The following PIEZO2 variants were observed in gnomAD, a reference collection of about 807,000 sequenced individuals.
PIEZO2 encodes piezo-type mechanosensitive ion channel component 2.
Under a neutral mutation model 337.3 loss-of-function variants are expected in PIEZO2, and 172 were observed. The observed-to-expected ratio is 0.51, with a 90% CI of 0.45 to 0.58. PIEZO2 has a LOEUF of 0.58. Ranked by LOEUF, PIEZO2 falls within the 20% of genes least tolerant of loss-of-function variation. PIEZO2 has a pLI of 0.00. For synonymous variants in PIEZO2, 1,251 were observed against 1,228.5 expected (o/e 1.02, Z -0.38); for missense variants, 3,028 against 3,391.3 (o/e 0.89, Z 2.66).
At chr18:10,970,053 G>A (rs577502065) in intron 3 of PIEZO2, among the ~76,000 whole-genome samples, 1 of 152,216 alleles carries the variant, frequency 6.6e-6, no homozygotes. Flanking sequence ...ATATTCTAAT[G>A]GGAGAACATA....
At position 11,129,352 on chromosome 18, in the gene PIEZO2, T is replaced by A. The variant is rs941524216; in HGVS notation, c.64+19173A>T. Among the ~76,000 whole-genome samples, 1 of 152,110 alleles carries A rather than the reference T, an allele frequency of 6.6e-6. No homozygotes were observed. The highest frequency in any genetic ancestry group is 1.5e-5 in the Non-Finnish European group (1 of 68,014). ...AAAGGCAAGGTAGGCGTAGCTACCA[T>A]AATGGACAGCAGAGGCAAAGCGGCA... On this transcript the variant is annotated intron_variant, in intron 1 of 55. Transcript: ENST00000674853. The surrounding 1 kb of genome is among the most constrained non-coding windows in gnomAD (Gnocchi z 4.6).
chr18:10,679,375 CCT>C (rs1466161552), intron 52 of PIEZO2, among the ~76,000 whole-genome samples: 1 of 152,158 alleles, frequency 6.6e-6, no homozygotes, highest in African/African-American at 2.4e-5. Flanking sequence ...TCACTGTCAG[CCT>C]CTCTTTAAAA....
At chr18:11,090,243 A>C (rs748592377) in intron 1 of PIEZO2, among the ~76,000 whole-genome samples, 7 of 152,194 alleles carry the variant, frequency 4.6e-5, no homozygotes, top group Non-Finnish European at 1.0e-4. Flanking sequence ...GCCAAACTTT[A>C]TCTGCCAGAT....
rs569708373 is a variant in PIEZO2, at chr18:10,853,906, T to C, written c.917+1447A>G. On this transcript the variant is annotated intron_variant, in intron 7 of 55. Transcript: ENST00000674853. The surrounding 1 kb of genome is among the most constrained non-coding windows in gnomAD (Gnocchi z 4.2). ...TCTATAGTCCAATATCCAGTGAACA[T>C]TGAAATTTCTCCAATTTAACCCCAA... Among the ~76,000 whole-genome samples, 1 of 152,310 alleles carries C rather than the reference T, an allele frequency of 6.6e-6. No homozygotes were observed. The highest frequency in any genetic ancestry group is 2.4e-5 in the African/African-American group (1 of 41,564).
At position 10,943,741 on chromosome 18, in the gene PIEZO2, G is replaced by T. The variant is rs147505109; in HGVS notation, c.287-32513C>A. Among the ~76,000 whole-genome samples the T allele has an allele frequency of 4.0e-3, 612 of 152,268 alleles. 1 individual carries two copies. The highest frequency in any genetic ancestry group is 0.014 in the African/African-American group (576 of 41,550). The stretch of plus-strand genomic sequence containing the variant: ...TTTGAAATGTGAAGATATGAGATTT[G>T]GGAGGGGCCAGGGGCAGAATGACAT... On this transcript the variant is annotated intron_variant, in intron 3 of 55. Coordinates refer to ENST00000674853, the MANE Select transcript of PIEZO2 (RefSeq NM_001378183.1). The surrounding 1 kb of genome is among the most constrained non-coding windows in gnomAD (Gnocchi z 4.5).
chr18:10,735,861 C>T (rs947166620), intron 34 of PIEZO2, among the ~76,000 whole-genome samples: 2 of 152,196 alleles, frequency 1.3e-5, no homozygotes, highest in Non-Finnish European at 2.9e-5. Context: ...GGACATCACT[C>T]TATGTGCCTC....
chr18:10,904,856 A>G (rs766828465), intron 4 of PIEZO2, among the ~76,000 whole-genome samples: 13 of 152,330 alleles, frequency 8.5e-5, no homozygotes, highest in Non-Finnish European at 1.8e-4. Flanking sequence ...AGTTGTGGGA[A>G]TTCAATAAAT....
In PIEZO2 at chr18:11,096,534, C is replaced by A. The variant is rs534749122; in HGVS notation, c.65-30312G>T. The stretch of plus-strand genomic sequence containing the variant: ...CTGAAATGACGCTTTACTAAGCATT[C>A]TCTGTGGCCATTCCCAGTTCTTTTC... On this transcript the variant is annotated intron_variant, in intron 1 of 55. Coordinates refer to ENST00000674853, the MANE Select transcript of PIEZO2 (RefSeq NM_001378183.1). The surrounding 1 kb of genome is among the most constrained non-coding windows in gnomAD (Gnocchi z 4.6). Among the ~76,000 whole-genome samples the A allele has an allele frequency of 1.3e-5, 2 of 152,280 alleles. No individual in the cohort carries two copies. Among genetic ancestry groups the A allele is most frequent in the East Asian group, 3.9e-4 (2 of 5,182 alleles).
intron 2 of PIEZO2, among the ~76,000 whole-genome samples, chr18:11,060,016 T>G (rs2037882077): frequency 1.3e-5 from 2 of 152,124 alleles, no homozygotes; most frequent in Admixed American, 6.5e-5. Context: ...AGTAAAGCAC[T>G]CCTCAGCAAA....
intron 3 of PIEZO2, among the ~76,000 whole-genome samples, chr18:10,924,924 C>G (rs2031638092): frequency 6.6e-6 from 1 of 152,154 alleles, no homozygotes; most frequent in Non-Finnish European, 1.5e-5. Flanking sequence ...ATGCCATAGA[C>G]ACTTTGATAG....
chr18:10,835,811 G>A (rs1387258540), intron 7 of PIEZO2, among the ~76,000 whole-genome samples: 1 of 152,248 alleles, frequency 6.6e-6, no homozygotes, highest in Non-Finnish European at 1.5e-5. Context: ...ACGGGCATGA[G>A]CCAGCGCGTC....
chr18:10,722,957 A>ATTTTTTT (rs36042609), intron 36 of PIEZO2, among the ~76,000 whole-genome samples: 1 of 84,312 alleles, frequency 1.2e-5, no homozygotes, highest in Non-Finnish European at 2.2e-5. Flanking sequence ...GGATGCAGTG[A>ATTTTTTT]TTTTTTTTTT....
At position 10,945,712 on chromosome 18, in the gene PIEZO2, A is replaced by T. The variant is rs1343348583; in HGVS notation, c.286+33823T>A. Among the ~76,000 whole-genome samples the T allele has an allele frequency of 2.6e-5, 4 of 152,224 alleles. No individual in the cohort carries two copies. The East Asian group carries it at 7.7e-4, about 29-fold the overall frequency. On this transcript the variant is annotated intron_variant, in intron 3 of 55. Coordinates refer to ENST00000674853, the MANE Select transcript of PIEZO2 (RefSeq NM_001378183.1). This position sits in a 1 kb window ranked among gnomAD's most constrained non-coding sequence, Gnocchi z 4.0. Reference sequence around the variant, plus strand: ...ATAATCAGCAGAAAAAATCAATCAAAATCTTCCCAGAACTGCCAAAGGTGT... The same window carrying T: ...ATAATCAGCAGAAAAAATCAATCAATATCTTCCCAGAACTGCCAAAGGTGT...
intron 2 of PIEZO2, among the ~76,000 whole-genome samples, chr18:11,010,181 A>G (rs1709444873): frequency 6.6e-6 from 1 of 152,172 alleles, no homozygotes; most frequent in African/African-American, 2.4e-5. Flanking sequence ...CCAAACACCT[A>G]CTAGGTACTG....
rs1042484030 is a variant in PIEZO2 at position 10,940,678 on chromosome 18, A to G, written c.287-29450T>C. Among the ~76,000 whole-genome samples, 1 of 152,194 alleles carries G rather than the reference A, an allele frequency of 6.6e-6. No individual in the cohort carries two copies. The highest frequency in any genetic ancestry group is 2.4e-5 in the African/African-American group (1 of 41,454). On this transcript the variant is annotated intron_variant, in intron 3 of 55. Transcript: ENST00000674853. This position sits in a 1 kb window ranked among gnomAD's most constrained non-coding sequence, Gnocchi z 5.3. ...AGTGATTGAGACCATCCTAGCCAAC[A>G]TGGTGAAACCCTATCTCTACTAAAA...
intron 7 of PIEZO2, among the ~76,000 whole-genome samples, chr18:10,843,996 G>A (rs1276226634): frequency 6.6e-6 from 1 of 152,192 alleles, no homozygotes; most frequent in Non-Finnish European, 1.5e-5. Flanking sequence ...AAACATTCCA[G>A]GAAGGCTGTA....
Position 10,834,483 on chromosome 18 carries a change from GGTGCC to G in PIEZO2, c.917+20865_917+20869del, listed in dbSNP as rs1205924508. On this transcript the variant is annotated intron_variant, in intron 7 of 55. Transcript: ENST00000674853. This position sits in a 1 kb window ranked among gnomAD's most constrained non-coding sequence, Gnocchi z 4.5. ...TAGCCCAGCCCCACTCTGTGATGCA[GGTGCC>G]GGCTTCCCCTTTAATCCCTCATGAT... is the stretch of plus-strand genomic sequence containing the variant. Among the ~76,000 whole-genome samples the G allele has an allele frequency of 1.3e-5, 2 of 152,214 alleles. No homozygotes were observed. Among genetic ancestry groups the G allele is most frequent in the African/African-American group, 4.8e-5 (2 of 41,456 alleles).
Position 10,969,918 on chromosome 18 carries a change from G to C in PIEZO2, c.286+9617C>G, listed in dbSNP as rs1228774974. On this transcript the variant is annotated intron_variant, in intron 3 of 55. Transcript: ENST00000674853. This position sits in a 1 kb window ranked among gnomAD's most constrained non-coding sequence, Gnocchi z 4.5. ...CCATACCTTTATTTCTCCTTTTTTT[G>C]GCTGCTATTAATTCATTTATTCATT... 6.6e-6 allele frequency among the ~76,000 whole-genome samples: 1 copy of C among 150,990 alleles called. No individual in the cohort carries two copies. The highest frequency in any genetic ancestry group is 1.5e-5 in the Non-Finnish European group (1 of 67,812).
chr18:10,756,598 A>C (rs529957983), intron 27 of PIEZO2, among the ~76,000 whole-genome samples: 2 of 137,220 alleles, frequency 1.5e-5, no homozygotes, highest in Admixed American at 1.5e-4. Context: ...AAAGATGAGG[A>C]GGAGGGATGG....
Sources: allele counts gnomAD v4.1 joint callset (sites outside exome capture counted in the v4.1 genomes callset), GRCh38; gene constraint gnomAD v4.1.1; non-coding constraint Gnocchi (gnomAD v3.1); transcripts MANE v1.5; gene names NCBI Gene and HGNC (gene_info 2026-07-23, HGNC 2026-07-21).